Variants in IGSF21 observed in about 807,000 individuals in gnomAD.
IGSF21 encodes the protein immunoglobulin superfamily member 21.
In IGSF21, 28 loss-of-function variants were observed where a neutral mutation model predicts 46.8. That is an observed-to-expected ratio of 0.60 (90% CI 0.44 to 0.82). IGSF21 has a LOEUF of 0.82. Among genes scored for constraint, IGSF21 ranks in the 40% least tolerant of loss-of-function variants. IGSF21 has a pLI of 0.00. For synonymous variants in IGSF21, 284 were observed against 273.6 expected, an observed-to-expected ratio of 1.04 and a Z score of -0.38; for missense variants, 624 against 665.5, an observed-to-expected ratio of 0.94 and a Z score of 0.69.
At chr1:18,354,232 G>A (rs922534717) in intron 4 of IGSF21, among the ~76,000 whole-genome samples, 6 of 152,190 alleles carry the variant, frequency 3.9e-5, no homozygotes, top group African/African-American at 1.4e-4. Flanking sequence ...AGAAGGCCCA[G>A]TGTGTGCAGG....
intron 1 of IGSF21, chr1:18,115,565 T>G (rs1375579055): frequency 6.6e-6 from 1 of 152,222 alleles, no homozygotes; most frequent in Non-Finnish European, 1.5e-5. Context: ...CAGTTGCCTC[T>G]GGAAGTCCTT....
chr1:18,135,877 A>G, intron 1 of IGSF21, among the ~76,000 whole-genome samples: 1 of 152,226 alleles, frequency 6.6e-6, no homozygotes, highest in Non-Finnish European at 1.5e-5. Context: ...CAGTCCCACC[A>G]GCAGTGTAAA....
At position 18,109,791 on chromosome 1, in the gene IGSF21, GC is replaced by G. The variant is rs1473006386; in HGVS notation, c.70+1595del. 1.3e-5 allele frequency: 2 copies of G among 152,276 alleles called. No homozygotes were observed. Among genetic ancestry groups the G allele is most frequent in the Non-Finnish European group, 2.9e-5 (2 of 68,162 alleles). 9.4% of individuals were successfully genotyped at this position (152,276 alleles called of 1,614,324 possible). Reference sequence around the variant, plus strand: ...ACATGGGGGAGGTCCTCGTTCCAGCGCCGCCGAGAGGGCACTGGGGTTTGTT... The same window carrying G: ...ACATGGGGGAGGTCCTCGTTCCAGCGCGCCGAGAGGGCACTGGGGTTTGTT... On this transcript the variant is annotated intron_variant, in intron 1 of 9. Transcript: ENST00000251296. This position sits in a 1 kb window ranked among gnomAD's most constrained non-coding sequence, Gnocchi z 4.8.
chr1:18,177,407 G>GGGGATGGGGTCAGTGAGGTA lies in IGSF21; in HGVS notation c.71-50491_71-50490insGGGATGGGGTCAGTGAGGTA, dbSNP rs1557573452. ...GGGTCAGTGAGGTGTGTGTGTGTGT[G>GGGGATGGGGTCAGTGAGGTA]TGTGTGTGTGTGTGTGTGTGTGTGT... On this transcript the variant is annotated intron_variant, in intron 1 of 9. Transcript: ENST00000251296. Among the ~76,000 whole-genome samples, 1,372 of 150,772 alleles carry GGGGATGGGGTCAGTGAGGTA rather than the reference G, an allele frequency of 9.1e-3. 32 individuals are homozygous for GGGGATGGGGTCAGTGAGGTA. The highest frequency in any genetic ancestry group is 0.032 in the African/African-American group (1,309 of 40,850).
At chr1:18,113,601 A>AC (rs36119627) in intron 1 of IGSF21, 133,850 of 138,010 alleles carry the variant, frequency 0.97, 64,850 homozygotes, top group Middle Eastern at 1. Flanking sequence ...CCAACCCCGC[A>AC]CCCCACCCCC....
chr1:18,161,153 G>A (rs1004922697), intron 1 of IGSF21, among the ~76,000 whole-genome samples: 8 of 152,094 alleles, frequency 5.3e-5, no homozygotes, highest in Admixed American at 3.3e-4. Flanking sequence ...CCGTGACTCG[G>A]CCCTCTCCCG....
chr1:18,280,708 G>T (rs1043931763), intron 2 of IGSF21, among the ~76,000 whole-genome samples: 6 of 151,994 alleles, frequency 3.9e-5, no homozygotes, highest in Non-Finnish European at 8.8e-5. Flanking sequence ...ACCAAACCCA[G>T]ACTCCACATG....
rs2124393597 is a variant in IGSF21 at position 18,107,890 on chromosome 1, C to T, written c.-239C>T. 1.2e-5 allele frequency: 2 copies of T among 172,508 alleles called. No homozygotes were observed. The highest frequency in any genetic ancestry group is 2.0e-4 in the South Asian group (1 of 5,010). The allele number at this position is 172,508 out of a possible 1,614,324, so 10.7% of individuals were successfully genotyped here. On this transcript the variant is annotated 5_prime_UTR_variant, in exon 1 of 10. Transcript: ENST00000251296. ...TAGGGAGCCGAGAACCGCGGCGAGCCCCGAGGACGCCCAGAGCGCGAGGGT... is the reference window on the plus strand; with the variant it reads ...TAGGGAGCCGAGAACCGCGGCGAGCTCCGAGGACGCCCAGAGCGCGAGGGT...
chr1:18,220,333 G>A (rs1457108958), intron 1 of IGSF21, among the ~76,000 whole-genome samples: 2 of 152,104 alleles, frequency 1.3e-5, no homozygotes, highest in Non-Finnish European at 2.9e-5. Context: ...CTCCAAGCTG[G>A]CAGCAGCACC....
intron 2 of IGSF21, among the ~76,000 whole-genome samples, chr1:18,235,026 G>A (rs1288809824): frequency 6.6e-6 from 1 of 152,174 alleles, no homozygotes; most frequent in Non-Finnish European, 1.5e-5. Context: ...AGTTCTATTG[G>A]AAACCGGCAG....
intron 7 of IGSF21, 53 bp from the exon 8 acceptor site, chr1:18,376,747 T>A: frequency 6.6e-7 from 1 of 1,519,154 alleles, no homozygotes; most frequent in Admixed American, 1.9e-5. Context: ...CCCTTGCTGA[T>A]CTGGCAGAAT....
intron 2 of IGSF21, among the ~76,000 whole-genome samples, chr1:18,238,890 G>A (rs564681011): frequency 2.2e-4 from 33 of 152,266 alleles, no homozygotes; most frequent in South Asian, 8.3e-4. Flanking sequence ...AAATAAAAGC[G>A]TGCAGTGAGA....
rs2086107346 is a variant in IGSF21, at chr1:18,362,134, A to C, written c.444A>C (p.Glu148Asp). 6.2e-7 allele frequency: 1 copy of C among 1,610,660 alleles called. No homozygotes were observed. The highest frequency in any genetic ancestry group is 1.3e-5 in the African/African-American group (1 of 74,866). The part of the protein sequence containing the change: ...LNVMAPPTSI[E>D]VVAADTPAPF... ...GGGCAGCTCCTCCCACCTCCATTGA[A>C]GTGGTGGCTGCTGACACACCAGCCC... The change falls in exon 5 of 10, where the codon GAA becomes GAC. Residue 148 changes from glutamate to aspartate, a missense_variant. Physicochemically the swap from Glu to Asp is conservative, Grantham distance 45. Coordinates refer to ENST00000251296, the MANE Select transcript of IGSF21 (RefSeq NM_032880.5).
At chr1:18,307,207 T>C (rs1417485210) in intron 3 of IGSF21, among the ~76,000 whole-genome samples, 1 of 152,120 alleles carries the variant, frequency 6.6e-6, no homozygotes, top group Non-Finnish European at 1.5e-5. Flanking sequence ...GTGGGGACCA[T>C]GGGACTAAGT....
At chr1:18,141,592 A>G (rs922635842) in intron 1 of IGSF21, among the ~76,000 whole-genome samples, 3 of 152,114 alleles carry the variant, frequency 2.0e-5, no homozygotes, top group Admixed American at 6.5e-5. Context: ...ACTGAGAGTG[A>G]GGGACCTGGA....
intron 3 of IGSF21, among the ~76,000 whole-genome samples, chr1:18,327,742 A>G (rs2124600248): frequency 6.6e-6 from 1 of 152,342 alleles, no homozygotes; most frequent in South Asian, 2.1e-4. Flanking sequence ...TGAGGGGCAT[A>G]GATTATAAAA....
intron 6 of IGSF21, among the ~76,000 whole-genome samples, chr1:18,373,046 C>A (rs927245751): frequency 6.6e-6 from 1 of 152,178 alleles, no homozygotes; most frequent in African/African-American, 2.4e-5. Flanking sequence ...GGATCTTTTT[C>A]ATTCCCTGAG....
Position 18,321,980 on chromosome 1 carries a change from A to G in IGSF21, c.306-12912A>G, listed in dbSNP as rs7545833. ...TGGGAGTGTTGTGAAATTGAGTTTT[A>G]CAGATGGGGAAACTGAGGCATTAAC... On this transcript the variant is annotated intron_variant, in intron 3 of 9. Transcript: ENST00000251296. Among the ~76,000 whole-genome samples the G allele has an allele frequency of 6.0e-3, 909 of 152,318 alleles. 6 individuals carry two copies. The highest frequency in any genetic ancestry group is 0.021 in the African/African-American group (854 of 41,576).
intron 2 of IGSF21, among the ~76,000 whole-genome samples, chr1:18,260,611 A>C (rs1238126185): frequency 6.6e-6 from 1 of 152,222 alleles, no homozygotes; most frequent in Non-Finnish European, 1.5e-5. Context: ...TTCTAGAAAA[A>C]GGGTGGTGAC....
Sources: allele counts gnomAD v4.1 joint callset (sites outside exome capture counted in the v4.1 genomes callset), GRCh38; gene constraint gnomAD v4.1.1; non-coding constraint Gnocchi (gnomAD v3.1); transcripts MANE v1.5; gene names NCBI Gene and HGNC (gene_info 2026-07-23, HGNC 2026-07-21).